The following PLCB4 variants were observed in gnomAD, a reference collection of about 807,000 sequenced individuals.
PLCB4 encodes phospholipase C beta 4, also known as 1-phosphatidylinositol 4,5-bisphosphate phosphodiesterase beta-4.
In PLCB4, 77 loss-of-function variants were observed where a neutral mutation model predicts 178.8. That is an observed-to-expected ratio of 0.43 (90% CI 0.36 to 0.52). The LOEUF (loss-of-function observed/expected upper bound fraction) is 0.52, where lower values mean the gene tolerates loss of function less well. Among genes scored for constraint, PLCB4 ranks in the 20% least tolerant of loss-of-function variants. The pLI is 0.00. For missense variants in PLCB4, 1,024 were observed against 1,453.4 expected (o/e 0.70, Z 4.80); for synonymous variants, 496 against 490.8 (o/e 1.01, Z -0.14).
At chr20:9,161,747 G>A (rs1406989119) in intron 2 of PLCB4, among the ~76,000 whole-genome samples, 1 of 152,074 alleles carries the variant, frequency 6.6e-6, no homozygotes, top group African/African-American at 2.4e-5. Context: ...AACTTATGAA[G>A]CATTTTTATT....
rs536323459 is a variant in PLCB4, at chr20:9,413,095, G to A, written c.2051+2007G>A. The stretch of plus-strand genomic sequence containing the variant: ...AATTCAATGAGTGCTCTGTTCAGTC[G>A]TCCTTTAAGGACCCCAAGGAGTCAG... On this transcript the variant is annotated intron_variant, in intron 25 of 39. Coordinates refer to ENST00000378473, the MANE Select transcript of PLCB4 (RefSeq NM_001377142.1). Among the ~76,000 whole-genome samples, 32 of 152,288 alleles carry A rather than the reference G, an allele frequency of 2.1e-4. 1 individual carries two copies. The highest frequency in any genetic ancestry group is 1.4e-3 in the East Asian group (7 of 5,180).
chr20:9,430,923 G>A lies in PLCB4; in HGVS notation c.2525-4637G>A, dbSNP rs534008967. 2.7e-4 allele frequency among the ~76,000 whole-genome samples: 41 copies of A among 152,338 alleles called. No homozygotes were observed. The Middle Eastern group carries it at 0.01, about 38-fold the overall frequency. Reference sequence around the variant, plus strand: ...AAGCACATGACTTTTTATGGAAGATGCATACCCAAGAATTTAAGTAGTGAA... The same window carrying A: ...AAGCACATGACTTTTTATGGAAGATACATACCCAAGAATTTAAGTAGTGAA... On this transcript the variant is annotated intron_variant, in intron 28 of 39. Transcript: ENST00000378473.
chr20:9,432,394 G>A (rs970735321), intron 28 of PLCB4, among the ~76,000 whole-genome samples: 4 of 152,118 alleles, frequency 2.6e-5, no homozygotes, highest in Non-Finnish European at 5.9e-5. Context: ...CAGGCCCCCA[G>A]ACTGATTATA....
intron 19 of PLCB4, among the ~76,000 whole-genome samples, chr20:9,399,481 C>CATA (rs1482651634): frequency 6.6e-6 from 1 of 152,198 alleles, no homozygotes; most frequent in Non-Finnish European, 1.5e-5. Context: ...GGAAACCAAG[C>CATA]ATAGTTCAAT....
At chr20:9,290,607 C>T (rs2094572204) in intron 3 of PLCB4, among the ~76,000 whole-genome samples, 1 of 152,110 alleles carries the variant, frequency 6.6e-6, no homozygotes, top group Non-Finnish European at 1.5e-5. Flanking sequence ...GATTTGGCAT[C>T]TTGAAAGTGT....
intron 4 of PLCB4, among the ~76,000 whole-genome samples, chr20:9,312,705 T>C (rs1307666077): frequency 6.6e-6 from 1 of 152,166 alleles, no homozygotes; most frequent in Non-Finnish European, 1.5e-5. Flanking sequence ...TTAAAAGATA[T>C]ATTTAACTAA....
intron 7 of PLCB4, among the ~76,000 whole-genome samples, chr20:9,354,625 A>G (rs2034631004): frequency 6.6e-6 from 1 of 152,244 alleles, no homozygotes; most frequent in South Asian, 2.1e-4. Context: ...AACCTCTGGC[A>G]TAATGCAGAC....
intron 2 of PLCB4, among the ~76,000 whole-genome samples, chr20:9,162,037 A>G (rs1041147617): frequency 6.6e-6 from 1 of 152,156 alleles, no homozygotes; most frequent in Non-Finnish European, 1.5e-5. Flanking sequence ...TTAAGTTTAT[A>G]TCCTTTATTT....
intron 25 of PLCB4, among the ~76,000 whole-genome samples, chr20:9,418,129 T>C (rs994057360): frequency 6.6e-6 from 1 of 152,168 alleles, no homozygotes; most frequent in African/African-American, 2.4e-5. Flanking sequence ...CTAGTCTTTT[T>C]ACTTTCTTCA....
At chr20:9,100,114 C>T (rs1017605204) in intron 2 of PLCB4, among the ~76,000 whole-genome samples, 11 of 152,228 alleles carry the variant, frequency 7.2e-5, no homozygotes, top group Admixed American at 5.2e-4. Flanking sequence ...GGGGCTCTGG[C>T]GAGATGACTT....
intron 38 of PLCB4, among the ~76,000 whole-genome samples, chr20:9,476,255 A>T (rs1225738933): frequency 1.3e-5 from 2 of 151,996 alleles, no homozygotes; most frequent in Admixed American, 1.3e-4. Context: ...TTCACTTAAC[A>T]CTCTGAAGGT....
intron 3 of PLCB4, among the ~76,000 whole-genome samples, chr20:9,300,732 A>G (rs2147823838): frequency 6.6e-6 from 1 of 152,266 alleles, no homozygotes; most frequent in Admixed American, 6.5e-5. Flanking sequence ...TTGAACACAC[A>G]TGTTGAATGA....
rs1284696827 is a variant in PLCB4 at position 9,338,957 on chromosome 20, A to G, written c.289A>G (p.Ile97Val). The part of the protein sequence containing the change: ...GKSENDLEGR[I>V]VCVCSGTDLV... ...ATCAGAAAATGATCTGGAAGGGCGGATAGTTTGTGTCTGCAGTGGCACAGA... is the reference window on the plus strand; with the variant it reads ...ATCAGAAAATGATCTGGAAGGGCGGGTAGTTTGTGTCTGCAGTGGCACAGA... The change falls in exon 7 of 40, where the codon ATA (isoleucine) becomes GTA (valine). Residue 97 changes from isoleucine (I) to valine (V), a missense_variant. Physicochemically the swap from Ile to Val is conservative, Grantham distance 29. Coordinates refer to ENST00000378473, the MANE Select transcript of PLCB4 (RefSeq NM_001377142.1). 4.3e-6 allele frequency: 7 copies of G among 1,613,344 alleles called. No individual in the cohort carries two copies. The highest frequency in any genetic ancestry group is 1.3e-5 in the African/African-American group (1 of 74,846).
At chr20:9,174,113 T>C (rs2093113034) in intron 2 of PLCB4, among the ~76,000 whole-genome samples, 1 of 152,152 alleles carries the variant, frequency 6.6e-6, no homozygotes, top group Non-Finnish European at 1.5e-5. Context: ...GTTTTGCTGC[T>C]ACTGCTGCTG....
intron 2 of PLCB4, among the ~76,000 whole-genome samples, chr20:9,120,683 C>T: frequency 6.6e-6 from 1 of 152,148 alleles, no homozygotes; most frequent in East Asian, 1.9e-4. Context: ...CCTCCACTCA[C>T]CTTCTGGAAG....
chr20:9,203,227 T>C (rs1197144348), intron 2 of PLCB4, among the ~76,000 whole-genome samples: 3 of 151,936 alleles, frequency 2.0e-5, no homozygotes, highest in Non-Finnish European at 4.4e-5. Flanking sequence ...ATGTGACTAA[T>C]GTAAAGGTCC....
intron 3 of PLCB4, among the ~76,000 whole-genome samples, chr20:9,287,754 T>C (rs1489717784): frequency 6.6e-6 from 1 of 152,126 alleles, no homozygotes; most frequent in East Asian, 1.9e-4. Context: ...TAAAATTACT[T>C]TGTTCTATAA....
intron 4 of PLCB4, among the ~76,000 whole-genome samples, chr20:9,313,250 T>A (rs972993509): frequency 1.3e-5 from 2 of 152,264 alleles, no homozygotes; most frequent in African/African-American, 4.8e-5. Context: ...TTTCAACTTT[T>A]ATAATCAACC....
intron 1 of PLCB4, among the ~76,000 whole-genome samples, chr20:9,088,223 G>T (rs1291893184): frequency 2.0e-5 from 3 of 149,628 alleles, no homozygotes; most frequent in Non-Finnish European, 4.4e-5. Context: ...GTTAGAGAGA[G>T]AAGGAAAGGG....
Sources: allele counts gnomAD v4.1 joint callset (sites outside exome capture counted in the v4.1 genomes callset), GRCh38; gene constraint gnomAD v4.1.1; transcripts MANE v1.5; gene names NCBI Gene and HGNC (gene_info 2026-07-23, HGNC 2026-07-21).